Variants in QTMAN observed in about 807,000 individuals in gnomAD.
The protein encoded by QTMAN is tRNA-queuosine alpha-mannosyltransferase.
chr2:143,946,894 G>A, the QTMAN span: 1 of 580,834 alleles, frequency 1.7e-6, no homozygotes, highest in South Asian at 2.3e-5. Flanking sequence ...AGCCGCCACA[G>A]GTTTGTGGCA....
chr2:144,041,140 A>G, the QTMAN span, among the ~76,000 whole-genome samples: 1 of 152,218 alleles, frequency 6.6e-6, no homozygotes, highest in Admixed American at 6.5e-5. Flanking sequence ...TGCTAAATAT[A>G]TTCAAAATTT....
chr2:144,201,347 T>C, the QTMAN span, among the ~76,000 whole-genome samples: 1 of 152,036 alleles, frequency 6.6e-6, no homozygotes, highest in Non-Finnish European at 1.5e-5. Flanking sequence ...AAGCTTGATG[T>C]TTCAAAGTGA....
chr2:144,274,267 C>G, the QTMAN span, among the ~76,000 whole-genome samples: 1 of 152,342 alleles, frequency 6.6e-6, no homozygotes, highest in Middle Eastern at 3.4e-3. Flanking sequence ...CAGTTCCTGA[C>G]AGAGCTCCTA....
chr2:144,332,910 C>CATTA, the QTMAN span, among the ~76,000 whole-genome samples: 9 of 152,196 alleles, frequency 5.9e-5, no homozygotes, highest in Non-Finnish European at 1.2e-4. Context: ...CTGTGCTGTT[C>CATTA]ATTAGGTCGA....
At chr2:144,171,634 T>C in the QTMAN span, among the ~76,000 whole-genome samples, 1 of 152,120 alleles carries the variant, frequency 6.6e-6, no homozygotes, top group Non-Finnish European at 1.5e-5. Flanking sequence ...ATTTCAATAT[T>C]TGGAGGAAAT....
At chr2:144,243,279 C>G in the QTMAN span, among the ~76,000 whole-genome samples, 1 of 152,188 alleles carries the variant, frequency 6.6e-6, no homozygotes, top group African/African-American at 2.4e-5. Context: ...CTGTCAATGA[C>G]AGTCCAATGC....
the QTMAN span, among the ~76,000 whole-genome samples, chr2:144,204,324 T>C: frequency 6.6e-6 from 1 of 152,068 alleles, no homozygotes; most frequent in East Asian, 1.9e-4. Flanking sequence ...CATCAACAAG[T>C]AGGCGAAGGA....
At chr2:144,043,097 C>T in the QTMAN span, among the ~76,000 whole-genome samples, 4 of 152,162 alleles carry the variant, frequency 2.6e-5, no homozygotes, top group Admixed American at 2.6e-4. Flanking sequence ...CCTCACAACA[C>T]CTTTTTTTCC....
chr2:144,057,480 A>G, the QTMAN span, among the ~76,000 whole-genome samples: 1 of 152,184 alleles, frequency 6.6e-6, no homozygotes, highest in African/African-American at 2.4e-5. Flanking sequence ...CATTAAATAA[A>G]TCCTCAAAAA....
chr2:143,961,186 A>C, the QTMAN span, among the ~76,000 whole-genome samples: 19 of 152,078 alleles, frequency 1.2e-4, no homozygotes, highest in Non-Finnish European at 2.5e-4. Context: ...GGAAAAACTC[A>C]CTAGTTGGAT....
At chr2:144,126,424 A>C in the QTMAN span, among the ~76,000 whole-genome samples, 1 of 151,982 alleles carries the variant, frequency 6.6e-6, no homozygotes, top group South Asian at 2.1e-4. Context: ...ACATAGAAAA[A>C]CCACTGCTAT....
the QTMAN span, among the ~76,000 whole-genome samples, chr2:144,065,376 G>T: frequency 6.6e-6 from 1 of 152,194 alleles, no homozygotes; most frequent in Non-Finnish European, 1.5e-5. Context: ...TGCCCTAGCA[G>T]GTTGACCCAA....
the QTMAN span, among the ~76,000 whole-genome samples, chr2:144,089,469 T>C: frequency 6.6e-6 from 1 of 151,942 alleles, no homozygotes; most frequent in Non-Finnish European, 1.5e-5. Context: ...AAAAACTCAA[T>C]ATCAAAGCAA....
the QTMAN span, among the ~76,000 whole-genome samples, chr2:144,235,486 TGAA>T: frequency 6.6e-6 from 1 of 152,052 alleles, no homozygotes; most frequent in Non-Finnish European, 1.5e-5. Flanking sequence ...GAGATAAAAA[TGAA>T]GAAATCTGAC....
At chr2:144,014,395 C>T in the QTMAN span, among the ~76,000 whole-genome samples, 3 of 152,096 alleles carry the variant, frequency 2.0e-5, no homozygotes, top group East Asian at 5.8e-4. Context: ...TCTCATGGTA[C>T]AAACTTTTAA....
chr2:144,141,125 T>G, the QTMAN span, among the ~76,000 whole-genome samples: 10 of 152,004 alleles, frequency 6.6e-5, no homozygotes, highest in South Asian at 2.1e-3. Flanking sequence ...AAGAAAGCAG[T>G]CAGTAAAAAA....
At chr2:143,976,549 G>C in the QTMAN span, among the ~76,000 whole-genome samples, 1 of 152,008 alleles carries the variant, frequency 6.6e-6, no homozygotes, top group South Asian at 2.1e-4. Flanking sequence ...CTATGCTTTC[G>C]AGGGCCACAC....
At chr2:144,206,867 A>G in the QTMAN span, among the ~76,000 whole-genome samples, 1 of 152,244 alleles carries the variant, frequency 6.6e-6, no homozygotes, top group African/African-American at 2.4e-5. Context: ...ACAGATATAG[A>G]AATGGCTCAT....
the QTMAN span, among the ~76,000 whole-genome samples, chr2:144,325,276 C>T: frequency 6.6e-6 from 1 of 152,152 alleles, no homozygotes; most frequent in Non-Finnish European, 1.5e-5. Flanking sequence ...GAGTCACACA[C>T]ACTTTTGACA....
Sources: gnomAD v4.1 joint callset for allele counts (sites outside exome capture counted in the v4.1 genomes callset) on GRCh38, gnomAD v4.1.1 for gene constraint, MANE v1.5 for transcripts, NCBI Gene and HGNC (gene_info 2026-07-23, HGNC 2026-07-21) for gene names.